CEP350: variants seen among roughly 807,000 people sequenced by gnomAD.
CEP350 encodes centrosome-associated protein 350.
CEP350 carries 126 observed loss-of-function variants against 331.8 expected under a neutral mutation model. That is an observed-to-expected ratio of 0.38 (90% CI 0.33 to 0.44). The LOEUF is 0.44. Ranked by LOEUF, CEP350 falls within the 20% of genes least tolerant of loss-of-function variation. CEP350 has a pLI of 1.00. For missense variants in CEP350, 3,406 were observed against 3,634.6 expected (o/e 0.94, Z 1.62); for synonymous variants, 1,200 against 1,259.5 (o/e 0.95, Z 1.00).
chr1:180,028,526 A>G (rs1655816867), intron 14 of CEP350, among the ~76,000 whole-genome samples: 1 of 152,062 alleles, frequency 6.6e-6, no homozygotes, highest in Non-Finnish European at 1.5e-5. Flanking sequence ...ATGGTAGCTC[A>G]CTCCTATAAT....
intron 33 of CEP350, among the ~76,000 whole-genome samples, 180 bp from the exon 34 acceptor site, chr1:180,092,434 A>C (rs923695077): frequency 6.6e-6 from 1 of 152,222 alleles, no homozygotes; most frequent in African/African-American, 2.4e-5. Flanking sequence ...AGTAATTTTA[A>C]ATGTTGATAC....
intron 32 of CEP350, 77 bp downstream of exon 32, chr1:180,087,794 C>T: frequency 7.7e-7 from 1 of 1,290,614 alleles, no homozygotes; most frequent in Non-Finnish European, 1.0e-6. Flanking sequence ...GTAGAAGTTA[C>T]CCTTTAAGTA....
Position 180,087,829 on chromosome 1 carries a change from T to G in CEP350, c.6425+112T>G, listed in dbSNP as rs531558984. The G allele has an allele frequency of 6.2e-6, 7 of 1,126,546 alleles. No homozygotes were observed. In the South Asian group the frequency reaches 2.3e-4, roughly 36 times the overall value. The allele number at this position is 1,126,546 out of a possible 1,614,324, so 69.8% of individuals were successfully genotyped here. On this transcript the variant is annotated intron_variant, in intron 32 of 37. Transcript: ENST00000367607. ...AACTGAAATTACAGAAGTAAAAATATTATTTTCTATTTTTAGTGTCAGTAA... is the reference window on the plus strand; with the variant it reads ...AACTGAAATTACAGAAGTAAAAATAGTATTTTCTATTTTTAGTGTCAGTAA...
chr1:180,073,761 T>A, intron 27 of CEP350: 1 of 1,300,586 alleles, frequency 7.7e-7, no homozygotes, highest in Non-Finnish European at 1.0e-6. Flanking sequence ...CTCTTGTTTT[T>A]AAAATCTTCC....
At chr1:180,068,178 A>C (rs951504469) in intron 27 of CEP350, among the ~76,000 whole-genome samples, 1 of 152,194 alleles carries the variant, frequency 6.6e-6, no homozygotes, top group Non-Finnish European at 1.5e-5. Flanking sequence ...TGAAGTGATC[A>C]TATCATTTTT....
chr1:179,959,824 T>C (rs1389161917), intron 1 of CEP350, among the ~76,000 whole-genome samples: 11 of 152,174 alleles, frequency 7.2e-5, no homozygotes, highest in Non-Finnish European at 1.3e-4. Flanking sequence ...ATAATAAATA[T>C]ATTTGTTTTT....
At chr1:179,988,888 A>G (rs1040749231) in intron 3 of CEP350, among the ~76,000 whole-genome samples, 6 of 152,094 alleles carry the variant, frequency 3.9e-5, no homozygotes, top group African/African-American at 7.2e-5. Flanking sequence ...GGCCCTATAA[A>G]TATAGCAATA....
At position 180,094,022 on chromosome 1, in the gene CEP350, T is replaced by C. The variant is rs762631961; in HGVS notation, c.7917T>C (p.Asn2639=). The change falls in exon 34 of 38, where the codon AAT becomes AAC. Residue 2639 remains asparagine, a synonymous_variant. Transcript: ENST00000367607. ...GAAGCCTTAAAATAGAAACAGACAA[T>C]GTACAGGACATTTCTGGGGTACTTG... ...RSRSLKIETD[N]VQDISGVLEA... The C allele has an allele frequency of 3.7e-6, 6 of 1,613,698 alleles. No homozygotes were observed. Among genetic ancestry groups the C allele is most frequent in the Middle Eastern group, 1.6e-4 (1 of 6,062 alleles).
At chr1:180,041,925 G>A in intron 19 of CEP350, 123 bp downstream of exon 19, 2 of 863,272 alleles carry the variant, frequency 2.3e-6, no homozygotes, top group South Asian at 1.8e-5. Context: ...GACTTTTAGT[G>A]GGGGCCATAC....
chr1:180,049,509 A>G (rs1255186661), intron 22 of CEP350, among the ~76,000 whole-genome samples: 1 of 151,558 alleles, frequency 6.6e-6, no homozygotes, highest in African/African-American at 2.4e-5. Context: ...GCTTCTGGCC[A>G]TGATGGAACA....
At chr1:180,001,223 A>G (rs1180824710) in intron 6 of CEP350, among the ~76,000 whole-genome samples, 2 of 152,158 alleles carry the variant, frequency 1.3e-5, no homozygotes, top group African/African-American at 4.8e-5. Context: ...TTGACAAAAC[A>G]AAGTTCAGTG....
chr1:180,078,476 A>T lies in CEP350; in HGVS notation c.5781A>T (p.Glu1927Asp). The change falls in exon 29 of 38, where the codon GAA becomes GAT. Residue 1927 changes from glutamate (E) to aspartate (D), a missense_variant. Glu to Asp is a conservative substitution (Grantham distance 45, BLOSUM62 2). Transcript: ENST00000367607. Reference sequence around the variant, plus strand: ...TTCTCTGTCTAGAAATAGCAAGTGAAGAGGAATCTCCAGTACCTCTGTACT... The same window carrying T: ...TTCTCTGTCTAGAAATAGCAAGTGATGAGGAATCTCCAGTACCTCTGTACT... ...QRTEQKEIAS[E>D]EESPVPLYSH... 1 of 1,611,758 alleles carries T rather than the reference A, an allele frequency of 6.2e-7. No homozygotes were observed. The highest frequency in any genetic ancestry group is 1.3e-5 in the African/African-American group (1 of 75,024).
intron 22 of CEP350, among the ~76,000 whole-genome samples, chr1:180,050,740 G>C (rs1019941119): frequency 3.3e-5 from 5 of 150,578 alleles, no homozygotes; most frequent in African/African-American, 1.2e-4. Flanking sequence ...CAAATGTACG[G>C]AAGATCTGAA....
intron 12 of CEP350, among the ~76,000 whole-genome samples, chr1:180,021,875 C>CCTGAAAT: frequency 6.6e-6 from 1 of 152,084 alleles, no homozygotes; most frequent in South Asian, 2.1e-4. Flanking sequence ...TTCTAAAGTT[C>CCTGAAAT]CCTTCTTATA....
At chr1:180,009,203 T>C (rs138699274) in intron 8 of CEP350, among the ~76,000 whole-genome samples, 15 of 152,270 alleles carry the variant, frequency 9.9e-5, no homozygotes, top group African/African-American at 3.6e-4. Context: ...AGAAATGGGG[T>C]TTTGCCATGT....
intron 12 of CEP350, 94 bp downstream of exon 12, chr1:180,021,103 C>A: frequency 8.7e-7 from 1 of 1,142,940 alleles, no homozygotes; most frequent in Non-Finnish European, 1.2e-6. Flanking sequence ...ACACATTTTT[C>A]GTTGAGTGGA....
At chr1:180,064,861 T>TAA (rs1658451120) in intron 26 of CEP350, among the ~76,000 whole-genome samples, 1 of 152,160 alleles carries the variant, frequency 6.6e-6, no homozygotes, top group African/African-American at 2.4e-5. Context: ...CATTTCTTCT[T>TAA]TTTTAAAATT....
chr1:180,003,483 A>G (rs931611219), intron 7 of CEP350, among the ~76,000 whole-genome samples, 196 bp downstream of exon 7: 3 of 152,188 alleles, frequency 2.0e-5, no homozygotes, highest in Non-Finnish European at 4.4e-5. Context: ...ATTAGCTTAC[A>G]TGGTTAATGA....
At chr1:180,068,214 T>G (rs1658661315) in intron 27 of CEP350, among the ~76,000 whole-genome samples, 1 of 152,210 alleles carries the variant, frequency 6.6e-6, no homozygotes, top group Non-Finnish European at 1.5e-5. Context: ...TTTCCTTTTT[T>G]AATATTTTAC....
Sources: gnomAD v4.1 joint callset for allele counts (sites outside exome capture counted in the v4.1 genomes callset) on GRCh38, gnomAD v4.1.1 for gene constraint, MANE v1.5 for transcripts, NCBI Gene and HGNC (gene_info 2026-07-23, HGNC 2026-07-21) for gene names.